RB1: variants seen among roughly 807,000 people sequenced by gnomAD.
RB1 encodes the protein RB transcriptional corepressor 1, also known as retinoblastoma-associated protein.
In RB1, 18 loss-of-function variants were observed where a neutral mutation model predicts 135.4. The observed-to-expected ratio is 0.13, with a 90% CI of 0.09 to 0.20. The LOEUF is 0.20. RB1 is among the 10% of genes least tolerant of loss of function. RB1 has a pLI of 1.00. For synonymous variants in RB1, 365 were observed against 373.2 expected, an observed-to-expected ratio of 0.98 and a Z score of 0.25; for missense variants, 868 against 1,110.0, an observed-to-expected ratio of 0.78 and a Z score of 3.10.
chr13:48,428,702 C>T (rs1949100854), intron 17 of RB1, among the ~76,000 whole-genome samples: 6 of 152,192 alleles, frequency 3.9e-5, no homozygotes, highest in East Asian at 1.9e-4. Flanking sequence ...GTATGATGAC[C>T]ATCCTTCATT....
At chr13:48,307,909 C>G (rs1186353870) in intron 2 of RB1, among the ~76,000 whole-genome samples, 1 of 150,700 alleles carries the variant, frequency 6.6e-6, no homozygotes, top group Non-Finnish European at 1.5e-5. Flanking sequence ...TGCCTCCCAC[C>G]AAACTATTTT....
At position 48,303,899 on chromosome 13, in the gene RB1, C is replaced by T. The variant is rs1452641057; in HGVS notation, c.-14C>T. 3.3e-6 allele frequency: 5 copies of T among 1,514,454 alleles called. No homozygotes were observed. In the South Asian group the frequency reaches 3.7e-5, roughly 11 times the overall value. 93.8% of individuals were successfully genotyped at this position (1,514,454 alleles called of 1,614,324 possible). ...TCCTCCACAGCTCGCTGGCTCCCGC[C>T]GCGGAAAGGCGTCATGCCGCCCAAA... On this transcript the variant is annotated 5_prime_UTR_variant, in exon 1 of 27. Transcript: ENST00000267163.
chr13:48,457,344 TAG>T (rs1949367183), intron 19 of RB1, among the ~76,000 whole-genome samples: 1 of 152,160 alleles, frequency 6.6e-6, no homozygotes, highest in South Asian at 2.1e-4. Flanking sequence ...CAGCTATCAG[TAG>T]AGAGGGTAGT....
intron 2 of RB1, chr13:48,317,572 C>G (rs1297858727): frequency 4.6e-6 from 2 of 434,214 alleles, no homozygotes; most frequent in South Asian, 2.2e-5. Flanking sequence ...AAAAGCACTT[C>G]TGGCAGCATG....
chr13:48,381,395 T>C lies in RB1; in HGVS notation c.1647T>C (p.His549=). The C allele has an allele frequency of 6.2e-7, 1 of 1,613,620 alleles. No homozygotes were observed. Among genetic ancestry groups the C allele is most frequent in the Non-Finnish European group, 8.5e-7 (1 of 1,179,792 alleles). The change falls in exon 17 of 27, where the codon CAT becomes CAC. Residue 549 remains histidine, a synonymous_variant. Transcript: ENST00000267163. ...ACTTGACAAGAGAAATGATAAAACA[T>C]TTAGAACGATGTGAACATCGAATCA... The part of the protein sequence containing the change: ...EGNLTREMIK[H]LERCEHRIME...
At chr13:48,313,516 G>T (rs1464439152) in intron 2 of RB1, among the ~76,000 whole-genome samples, 7 of 143,092 alleles carry the variant, frequency 4.9e-5, no homozygotes, top group Non-Finnish European at 9.1e-5. Flanking sequence ...TCAGTCTTGG[G>T]TTTTTTTTTG....
chr13:48,441,785 C>T (rs562247955), intron 17 of RB1, among the ~76,000 whole-genome samples: 14 of 152,222 alleles, frequency 9.2e-5, no homozygotes, highest in African/African-American at 3.4e-4. Context: ...GTTAGATTCC[C>T]ATTGGCAAAA....
At chr13:48,354,976 A>G (rs971531536) in intron 6 of RB1, among the ~76,000 whole-genome samples, 1 of 152,100 alleles carries the variant, frequency 6.6e-6, no homozygotes, top group Admixed American at 6.6e-5. Context: ...ATAAGAAAAC[A>G]TTGGGGAAAA....
At chr13:48,348,067 GAACT>G (rs1170509436) in intron 5 of RB1, among the ~76,000 whole-genome samples, 1 of 151,846 alleles carries the variant, frequency 6.6e-6, no homozygotes, top group Non-Finnish European at 1.5e-5. Flanking sequence ...CTACAAAGAA[GAACT>G]AATAAGGTGG....
intron 17 of RB1, among the ~76,000 whole-genome samples, chr13:48,388,470 T>C (rs1396957289): frequency 6.6e-6 from 1 of 152,148 alleles, no homozygotes. Context: ...TTTTTGACAG[T>C]TTATCTTGTG....
At chr13:48,305,430 C>G (rs1028964247) in intron 1 of RB1, among the ~76,000 whole-genome samples, 1 of 152,178 alleles carries the variant, frequency 6.6e-6, no homozygotes, top group Non-Finnish European at 1.5e-5. Context: ...GCTTTAGTTT[C>G]TGATTAAATT....
At chr13:48,455,023 A>G (rs906284367) in intron 18 of RB1, among the ~76,000 whole-genome samples, 10 of 152,292 alleles carry the variant, frequency 6.6e-5, no homozygotes, top group African/African-American at 2.4e-4. Flanking sequence ...AAAGCGAGGA[A>G]ACCAATTTGG....
At chr13:48,313,914 A>C (rs1452769193) in intron 2 of RB1, among the ~76,000 whole-genome samples, 1 of 151,782 alleles carries the variant, frequency 6.6e-6, no homozygotes, top group Non-Finnish European at 1.5e-5. Context: ...ACGCCCGGCT[A>C]ATTTTTCTGT....
At chr13:48,378,052 G>A (rs1952845277) in intron 13 of RB1, among the ~76,000 whole-genome samples, 1 of 152,164 alleles carries the variant, frequency 6.6e-6, no homozygotes, top group Non-Finnish European at 1.5e-5. Context: ...CTCTGAATGA[G>A]TCAGTGAGTC....
intron 20 of RB1, among the ~76,000 whole-genome samples, chr13:48,463,503 A>T (rs1204264542): frequency 6.6e-6 from 1 of 152,232 alleles, no homozygotes; most frequent in East Asian, 1.9e-4. Context: ...TTTACAAACC[A>T]GGTGATCAGT....
intron 17 of RB1, among the ~76,000 whole-genome samples, chr13:48,444,007 A>G (rs1349963809): frequency 1.3e-5 from 2 of 152,128 alleles, no homozygotes; most frequent in East Asian, 1.9e-4. Flanking sequence ...TTTTCCCCAC[A>G]CACTAAGCAG....
Position 48,332,743 on chromosome 13 carries a change from G to A in RB1, c.265-9856G>A, listed in dbSNP as rs550373532. ...AAAATGGTGACTATGTGAAGTGATA[G>A]ATATGTTAATTAGCTTAATTGTAGT... is the stretch of plus-strand genomic sequence containing the variant. On this transcript the variant is annotated intron_variant, in intron 2 of 26. Transcript: ENST00000267163. Among the ~76,000 whole-genome samples the A allele has an allele frequency of 1.1e-3, 160 of 152,328 alleles. 4 individuals are homozygous for A. The highest frequency in any genetic ancestry group is 4.8e-3 in the South Asian group (23 of 4,816).
chr13:48,329,002 A>G (rs1296342959), intron 2 of RB1, among the ~76,000 whole-genome samples: 1 of 152,096 alleles, frequency 6.6e-6, no homozygotes, highest in Admixed American at 6.5e-5. Context: ...TTATTTATGT[A>G]CATTATAATT....
rs2138364544 is a variant in RB1 at position 48,480,049 on chromosome 13, C to T, written c.2765C>T (p.Thr922Ile). Residue 922 changes from threonine (T) to isoleucine (I), a missense_variant, in exon 27 of 27, where the codon ACC (threonine) becomes ATC (isoleucine). Thr to Ile is a moderately conservative substitution (Grantham distance 89). Transcript: ENST00000267163. ...QKQKMNDSMD[T>I]SNKEEK Reference sequence around the variant, plus strand: ...CAGAAAATGAATGATAGCATGGATACCTCAAACAAGGAAGAGAAATGAGGA... The same window carrying T: ...CAGAAAATGAATGATAGCATGGATATCTCAAACAAGGAAGAGAAATGAGGA... The T allele has an allele frequency of 6.2e-7, 1 of 1,613,098 alleles. No individual in the cohort carries two copies. The highest frequency in any genetic ancestry group is 8.5e-7 in the Non-Finnish European group (1 of 1,179,282).
Sources: gnomAD v4.1 joint callset for allele counts (sites outside exome capture counted in the v4.1 genomes callset) on GRCh38, gnomAD v4.1.1 for gene constraint, MANE v1.5 for transcripts, NCBI Gene and HGNC (gene_info 2026-07-23, HGNC 2026-07-21) for gene names.